The following MAGI1 variants were observed in gnomAD, a reference collection of about 807,000 sequenced individuals.
The protein encoded by MAGI1 is membrane associated guanylate kinase, WW and PDZ domain containing 1, also known as membrane-associated guanylate kinase, WW and PDZ domain-containing protein 1.
Under a neutral mutation model 139.9 loss-of-function variants are expected in MAGI1, and 58 were observed. That is an observed-to-expected ratio of 0.41 (90% CI 0.34 to 0.52). The LOEUF is 0.52. Ranked by LOEUF, MAGI1 falls within the 20% of genes least tolerant of loss-of-function variation. The pLI is 0.12. For synonymous variants in MAGI1, 812 were observed against 737.9 expected, an observed-to-expected ratio of 1.10 and a Z score of -1.63; for missense variants, 1,874 against 1,901.6, an observed-to-expected ratio of 0.99 and a Z score of 0.27.
intron 1 of MAGI1, among the ~76,000 whole-genome samples, chr3:65,746,812 C>T (rs1559843689): frequency 7.0e-6 from 1 of 143,258 alleles, no homozygotes; most frequent in Non-Finnish European, 1.6e-5. Flanking sequence ...ATCACTGACT[C>T]AGTAAGTATA....
At chr3:65,573,774 A>G (rs1199235413) in intron 2 of MAGI1, among the ~76,000 whole-genome samples, 1 of 152,172 alleles carries the variant, frequency 6.6e-6, no homozygotes, top group African/African-American at 2.4e-5. Flanking sequence ...AGCATTTAGA[A>G]TAGAAAAGGA....
Position 66,038,502 on chromosome 3 carries a change from C to A in MAGI1, c.-194G>T. On this transcript the variant is annotated 5_prime_UTR_variant, in exon 1 of 23. Coordinates refer to ENST00000402939, the MANE Select transcript of MAGI1 (RefSeq NM_001033057.2). ...GCCATCATAAAACAAACTTTCTGGGCTTCCCCGCGAGCCCCGCACAGGCGC... is the reference window on the plus strand; with the variant it reads ...GCCATCATAAAACAAACTTTCTGGGATTCCCCGCGAGCCCCGCACAGGCGC... 1.3e-6 allele frequency: 1 copy of A among 780,902 alleles called. No individual in the cohort carries two copies. Among genetic ancestry groups the A allele is most frequent in the Non-Finnish European group, 1.8e-6 (1 of 542,696 alleles). 48.4% of individuals were successfully genotyped at this position (780,902 alleles called of 1,614,324 possible). A position where few individuals can be genotyped will look rare whatever the true frequency, so the allele number is the denominator to read the frequency against.
intron 1 of MAGI1, among the ~76,000 whole-genome samples, chr3:65,938,760 C>T (rs981414701): frequency 3.9e-5 from 6 of 152,112 alleles, no homozygotes; most frequent in African/African-American, 1.4e-4. Context: ...TATAGTTTTC[C>T]TGAGACTCAT....
At chr3:65,916,041 T>C (rs1209729244) in intron 1 of MAGI1, among the ~76,000 whole-genome samples, 1 of 148,266 alleles carries the variant, frequency 6.7e-6, no homozygotes, top group Non-Finnish European at 1.5e-5. Context: ...ATACACAGTA[T>C]ATTATATATA....
intron 1 of MAGI1, among the ~76,000 whole-genome samples, chr3:65,798,602 T>C (rs1188738698): frequency 3.3e-5 from 5 of 150,094 alleles, no homozygotes; most frequent in Non-Finnish European, 5.9e-5. Context: ...AGATTCATGC[T>C]GATTGCAGTC....
At chr3:65,419,012 G>A (rs1032297932) in intron 12 of MAGI1, among the ~76,000 whole-genome samples, 3 of 152,162 alleles carry the variant, frequency 2.0e-5, no homozygotes, top group Non-Finnish European at 4.4e-5. Context: ...TGCGCTGGCG[G>A]CTCCATCTTT....
At chr3:66,023,774 C>T (rs1390584894) in intron 1 of MAGI1, among the ~76,000 whole-genome samples, 1 of 152,226 alleles carries the variant, frequency 6.6e-6, no homozygotes, top group Non-Finnish European at 1.5e-5. Context: ...CTACACATTT[C>T]ACAATCAAAT....
chr3:65,378,516 A>G (rs958808368), intron 17 of MAGI1, among the ~76,000 whole-genome samples: 1 of 152,146 alleles, frequency 6.6e-6, no homozygotes, highest in African/African-American at 2.4e-5. Context: ...TTACAGCCGT[A>G]TGCTCCTTGT....
At chr3:65,408,064 A>G (rs915120028) in intron 12 of MAGI1, among the ~76,000 whole-genome samples, 1 of 152,230 alleles carries the variant, frequency 6.6e-6, no homozygotes, top group Non-Finnish European at 1.5e-5. Flanking sequence ...AATTTTGCAT[A>G]TAATTTCAGG....
chr3:65,748,308 T>C (rs1434730962), intron 1 of MAGI1, among the ~76,000 whole-genome samples: 2 of 152,188 alleles, frequency 1.3e-5, no homozygotes, highest in African/African-American at 4.8e-5. Flanking sequence ...ATGCCCACTT[T>C]CTTGTGTGTC....
intron 5 of MAGI1, among the ~76,000 whole-genome samples, chr3:65,460,043 T>G (rs922305988): frequency 6.6e-5 from 10 of 152,212 alleles, no homozygotes; most frequent in Non-Finnish European, 4.4e-5. Flanking sequence ...TGGTCATTGG[T>G]TTTCTGTAGA....
At chr3:65,576,566 T>C (rs564836976) in intron 2 of MAGI1, among the ~76,000 whole-genome samples, 4 of 152,330 alleles carry the variant, frequency 2.6e-5, no homozygotes, top group Admixed American at 2.0e-4. Flanking sequence ...TTCATCTTTT[T>C]GCCAGGCTGT....
intron 1 of MAGI1, among the ~76,000 whole-genome samples, chr3:65,983,249 A>G (rs777775179): frequency 6.6e-6 from 1 of 152,246 alleles, no homozygotes; most frequent in Non-Finnish European, 1.5e-5. Flanking sequence ...TTATATGTGC[A>G]TATAATTTAT....
intron 1 of MAGI1, among the ~76,000 whole-genome samples, chr3:65,693,470 C>A (rs191244445): frequency 7.2e-5 from 11 of 152,210 alleles, no homozygotes; most frequent in Admixed American, 1.3e-4. Flanking sequence ...GAATTGCCCA[C>A]GTTTCTAAGA....
intron 1 of MAGI1, among the ~76,000 whole-genome samples, chr3:65,959,666 T>C (rs2064318686): frequency 6.8e-6 from 1 of 147,906 alleles, no homozygotes; most frequent in Admixed American, 6.8e-5. Flanking sequence ...GGTCTCCCTA[T>C]GTTTCCCAGG....
intron 1 of MAGI1, among the ~76,000 whole-genome samples, chr3:65,981,058 G>A (rs1033147563): frequency 1.3e-5 from 2 of 151,586 alleles, no homozygotes; most frequent in African/African-American, 4.9e-5. Flanking sequence ...GTACTTGGGA[G>A]GCAGAGGCAG....
chr3:65,970,303 C>T (rs1476851540), intron 1 of MAGI1, among the ~76,000 whole-genome samples: 1 of 152,056 alleles, frequency 6.6e-6, no homozygotes, highest in Non-Finnish European at 1.5e-5. Flanking sequence ...ATTCATAGAG[C>T]TAGAATACAA....
At chr3:65,891,140 G>A (rs2060726373) in intron 1 of MAGI1, among the ~76,000 whole-genome samples, 1 of 151,474 alleles carries the variant, frequency 6.6e-6, no homozygotes, top group Non-Finnish European at 1.5e-5. Flanking sequence ...TTGAGCTCAG[G>A]AGGCAGAGGA....
At chr3:65,597,851 C>T (rs1239341026) in intron 2 of MAGI1, 1 of 455,654 alleles carries the variant, frequency 2.2e-6, no homozygotes, top group East Asian at 7.0e-5. Flanking sequence ...ATTAATCCTT[C>T]CCTTTGTGAG....
Sources: allele counts gnomAD v4.1 joint callset (sites outside exome capture counted in the v4.1 genomes callset), GRCh38; gene constraint gnomAD v4.1.1; transcripts MANE v1.5; gene names NCBI Gene and HGNC (gene_info 2026-07-23, HGNC 2026-07-21).